Variants in DNAJA3 observed in about 807,000 individuals in gnomAD.
The protein encoded by DNAJA3 is DnaJ heat shock protein family (Hsp40) member A3.
DNAJA3 carries 29 observed loss-of-function variants against 54.9 expected under a neutral mutation model. That is an observed-to-expected ratio of 0.53 (90% CI 0.39 to 0.72). The LOEUF (loss-of-function observed/expected upper bound fraction) is 0.72. DNAJA3 is among the 30% of genes least tolerant of loss of function. The probability of loss-of-function intolerance (pLI) is 0.00; values close to 1 mark genes in which losing one functional copy is unlikely to be tolerated. For missense variants in DNAJA3, 708 were observed against 639.4 expected, an observed-to-expected ratio of 1.11 and a Z score of -1.16; for synonymous variants, 302 against 251.4, an observed-to-expected ratio of 1.20 and a Z score of -1.90.
chr16:4,430,941 G>C (rs1040245217), intron 1 of DNAJA3: 5 of 152,054 alleles, frequency 3.3e-5, no homozygotes, highest in African/African-American at 1.2e-4. Flanking sequence ...CTACTTGAGA[G>C]GCTAAAGCAG....
In DNAJA3 at chr16:4,434,487, C is replaced by T; in HGVS notation, c.315C>T (p.Ser105=). The T allele has an allele frequency of 1.2e-6, 2 of 1,613,304 alleles. No homozygotes were observed. The highest frequency in any genetic ancestry group is 1.7e-6 in the Non-Finnish European group (2 of 1,179,866). ...TATTAGGAGTGCCTCGAAATGCCAG[C>T]CAGAAAGAGATCAAGAAAGCCTATT... ...YQILGVPRNA[S]QKEIKKAYYQ... is the part of the protein sequence containing the mutation. Residue 105 remains serine, a synonymous_variant, in exon 2 of 12, where the codon AGC becomes AGT. Coordinates refer to ENST00000262375, the MANE Select transcript of DNAJA3 (RefSeq NM_005147.6).
At chr16:4,446,083 A>C (rs2056898764) in intron 7 of DNAJA3, among the ~76,000 whole-genome samples, 1 of 149,968 alleles carries the variant, frequency 6.7e-6, no homozygotes, top group African/African-American at 2.5e-5. Context: ...CACTACACCC[A>C]GGTAATTTTT....
intron 1 of DNAJA3, among the ~76,000 whole-genome samples, chr16:4,429,371 G>A (rs938896681): frequency 1.3e-5 from 2 of 151,980 alleles, no homozygotes; most frequent in African/African-American, 2.4e-5. Flanking sequence ...CTACAGGCAC[G>A]TGCCACCACT....
In DNAJA3 at chr16:4,425,956, A is replaced by T. The variant is rs1047717308; in HGVS notation, c.75A>T (p.Arg25Ser). Residue 25 changes from arginine (R) to serine (S), a missense_variant, in exon 1 of 12, where the codon AGA becomes AGT. Transcript: ENST00000262375. ...GTPRLPAISG[R>S]GARPPREGVV... ...CGCGGCTGCCGGCTATATCGGGTAG[A>T]GGGGCCCGGCCGCCCAGGGAGGGCG... is the stretch of plus-strand genomic sequence containing the variant. 1.3e-6 allele frequency: 2 copies of T among 1,572,910 alleles called. No homozygotes were observed. Among genetic ancestry groups the T allele is most frequent in the Non-Finnish European group, 1.7e-6 (2 of 1,161,206 alleles).
At chr16:4,430,193 G>GTCTGTGATCTT (rs2056679248) in intron 1 of DNAJA3, among the ~76,000 whole-genome samples, 1 of 151,844 alleles carries the variant, frequency 6.6e-6, no homozygotes, top group Non-Finnish European at 1.5e-5. Flanking sequence ...CCAAACACTA[G>GTCTGTGATCTT]TCTGTGATCT....
At chr16:4,446,820 G>A in intron 7 of DNAJA3, 66 bp from the exon 8 acceptor site, 1 of 1,589,674 alleles carries the variant, frequency 6.3e-7, no homozygotes, top group Non-Finnish European at 8.6e-7. Context: ...GCCTGGCCAG[G>A]CATGCAGCTG....
intron 6 of DNAJA3, 83 bp from the exon 7 acceptor site, chr16:4,444,581 G>A (rs941993693): frequency 1.4e-5 from 17 of 1,201,450 alleles, no homozygotes; most frequent in Middle Eastern, 2.0e-4. Context: ...TGATCTGCCC[G>A]CCTCGGCCTC....
chr16:4,455,206 G>GC (rs1567337090), intron 11 of DNAJA3, among the ~76,000 whole-genome samples: 1 of 152,140 alleles, frequency 6.6e-6, no homozygotes, highest in Non-Finnish European at 1.5e-5. Flanking sequence ...CTGTTGTACA[G>GC]CCCCCCTGCA....
At chr16:4,452,768 G>T (rs969942534) in intron 10 of DNAJA3, among the ~76,000 whole-genome samples, 1 of 152,066 alleles carries the variant, frequency 6.6e-6, no homozygotes, top group Non-Finnish European at 1.5e-5. Flanking sequence ...AACTAGCCAG[G>T]TGCAAAGTAG....
intron 10 of DNAJA3, among the ~76,000 whole-genome samples, chr16:4,450,948 A>G (rs925390377): frequency 1.3e-5 from 2 of 152,198 alleles, no homozygotes; most frequent in African/African-American, 4.8e-5. Flanking sequence ...CAGCCACAGC[A>G]GTGGAGCCGC....
intron 1 of DNAJA3, among the ~76,000 whole-genome samples, chr16:4,428,866 C>G (rs893408732): frequency 1.3e-5 from 2 of 151,918 alleles, no homozygotes; most frequent in South Asian, 4.1e-4. Context: ...TAGGCAGATC[C>G]CATCTCTACA....
chr16:4,444,561 C>G (rs1220382006), intron 6 of DNAJA3, 103 bp from the exon 7 acceptor site: 5 of 966,062 alleles, frequency 5.2e-6, no homozygotes, highest in Non-Finnish European at 8.2e-6. Context: ...GTCTCGATCT[C>G]TTGACGTCAT....
rs1160198014 is a variant in DNAJA3 at position 4,441,580 on chromosome 16, G to T, written c.630+5G>T. ...GTGTTTGATCAGCCTCAGGAAGTAA[G>T]TTCCTCACTTGGAAGAATTATTCAA... On this transcript the variant is annotated splice_donor_5th_base_variant and intron_variant, in intron 4 of 11. Coordinates refer to ENST00000262375, the MANE Select transcript of DNAJA3 (RefSeq NM_005147.6). 6.2e-7 allele frequency: 1 copy of T among 1,612,660 alleles called. No homozygotes were observed. Among genetic ancestry groups the T allele is most frequent in the Non-Finnish European group, 8.5e-7 (1 of 1,179,574 alleles).
At chr16:4,448,361 G>A (rs894713778) in intron 8 of DNAJA3, among the ~76,000 whole-genome samples, 25 of 150,178 alleles carry the variant, frequency 1.7e-4, no homozygotes, top group Admixed American at 4.0e-4. Context: ...CCGCTCTGCC[G>A]AGACAGAGTC....
chr16:4,454,967 T>C (rs1302641518), intron 11 of DNAJA3, 40 bp downstream of exon 11: 8 of 1,362,828 alleles, frequency 5.9e-6, no homozygotes, highest in Non-Finnish European at 8.3e-6. Flanking sequence ...TTTGTTTTCC[T>C]CTGTGAACTA....
intron 5 of DNAJA3, chr16:4,442,745 G>T: frequency 1.8e-6 from 1 of 559,110 alleles, no homozygotes; most frequent in East Asian, 2.9e-5. Flanking sequence ...CAGCTCCCAG[G>T]AGTCTTCAGG....
chr16:4,441,030 G>C (rs564124502), intron 3 of DNAJA3: 95 of 319,122 alleles, frequency 3.0e-4, no homozygotes, highest in Middle Eastern at 1.8e-3. Flanking sequence ...AATTCTCTAC[G>C]AGGTAATGTC....
At chr16:4,444,524 C>G in intron 6 of DNAJA3, 140 bp from the exon 7 acceptor site, 1 of 631,668 alleles carries the variant, frequency 1.6e-6, no homozygotes. Context: ...TTAGTAGAGA[C>G]CAGGTTTCAC....
At chr16:4,435,127 T>A (rs2056757976) in intron 2 of DNAJA3, among the ~76,000 whole-genome samples, 1 of 152,132 alleles carries the variant, frequency 6.6e-6, no homozygotes, top group South Asian at 2.1e-4. Context: ...CTTAAACTCC[T>A]GACCTCAGGT....
Sources: allele counts gnomAD v4.1 joint callset (sites outside exome capture counted in the v4.1 genomes callset), GRCh38; gene constraint gnomAD v4.1.1; transcripts MANE v1.5; gene names NCBI Gene and HGNC (gene_info 2026-07-23, HGNC 2026-07-21).